Variants in DNAJC3 observed in about 807,000 individuals in gnomAD.
DNAJC3 encodes dnaJ homolog subfamily C member 3.
A neutral mutation model predicts 68.6 loss-of-function variants in DNAJC3; 38 were observed. The observed-to-expected ratio is 0.55, with a 90% CI of 0.43 to 0.73. DNAJC3 has a LOEUF of 0.73. Among genes scored for constraint, DNAJC3 ranks in the 30% least tolerant of loss-of-function variants. DNAJC3 has a pLI of 0.00. For missense variants in DNAJC3, 526 were observed against 591.9 expected (o/e 0.89, Z 1.16); for synonymous variants, 203 against 204.0 (o/e 1.00, Z 0.04).
chr13:95,704,357 G>A (rs1421195273), intron 1 of DNAJC3, among the ~76,000 whole-genome samples: 1 of 152,152 alleles, frequency 6.6e-6, no homozygotes, highest in African/African-American at 2.4e-5. Flanking sequence ...ATCATATAAT[G>A]GTCTGTGATT....
At chr13:95,785,853 C>T (rs1032750382) in intron 9 of DNAJC3, 86 bp from the exon 10 acceptor site, 17 of 1,300,002 alleles carry the variant, frequency 1.3e-5, no homozygotes, top group Admixed American at 3.0e-5. Flanking sequence ...TGGGGGATGA[C>T]GACTTTAGCA....
At chr13:95,736,273 T>A (rs1881914267) in intron 4 of DNAJC3, among the ~76,000 whole-genome samples, 1 of 152,164 alleles carries the variant, frequency 6.6e-6, no homozygotes, top group South Asian at 2.1e-4. Flanking sequence ...CCAGCTTTGT[T>A]CTTTTGGCTT....
chr13:95,713,850 A>G (rs1881053427), intron 2 of DNAJC3, among the ~76,000 whole-genome samples: 1 of 152,198 alleles, frequency 6.6e-6, no homozygotes, highest in Non-Finnish European at 1.5e-5. Context: ...TAGAGTTTTC[A>G]GGGATGAGTC....
intron 4 of DNAJC3, among the ~76,000 whole-genome samples, chr13:95,736,444 C>T (rs1361163058): frequency 6.8e-6 from 1 of 147,948 alleles, no homozygotes; most frequent in East Asian, 2.0e-4. Flanking sequence ...TTGATTCTTC[C>T]TACCCATGAG....
At chr13:95,690,130 C>T (rs1050440720) in intron 1 of DNAJC3, among the ~76,000 whole-genome samples, 24 of 151,922 alleles carry the variant, frequency 1.6e-4, no homozygotes, top group Non-Finnish European at 2.5e-4. Context: ...GAGGACCCTG[C>T]GGCCTTCCAC....
Position 95,763,886 on chromosome 13 carries a change from AC to A in DNAJC3, c.1010del (p.Pro337LeufsTer4). ...TTTGTTCTGAAGTTTTACAGATGGA[AC>A]CTGACAATGTGAATGCCCTGAAAGA... ...RVCSEVLQMEPDNVNALKDRA... is the reference protein window; with the variant it reads ...RVCSEVLQMEXDNVNALKDRA... On this transcript the variant is annotated frameshift_variant, in exon 9 of 12. Transcript: ENST00000602402. LOFTEE classifies it high-confidence loss of function. The A allele has an allele frequency of 1.9e-6, 3 of 1,614,102 alleles. No individual in the cohort carries two copies. The highest frequency in any genetic ancestry group is 2.5e-6 in the Non-Finnish European group (3 of 1,179,964).
chr13:95,714,543 T>G (rs1020705500), intron 2 of DNAJC3, among the ~76,000 whole-genome samples: 1 of 152,240 alleles, frequency 6.6e-6, no homozygotes, highest in Non-Finnish European at 1.5e-5. Flanking sequence ...CTATGTGACA[T>G]TTCTGTTGGG....
At chr13:95,751,927 T>A (rs1322796583) in intron 4 of DNAJC3, among the ~76,000 whole-genome samples, 1 of 152,160 alleles carries the variant, frequency 6.6e-6, no homozygotes, top group African/African-American at 2.4e-5. Flanking sequence ...ATCATGAAAC[T>A]TATTTACTAT....
chr13:95,747,199 CAAAG>C, intron 4 of DNAJC3, among the ~76,000 whole-genome samples: 1 of 152,258 alleles, frequency 6.6e-6, no homozygotes, highest in Middle Eastern at 3.4e-3. Flanking sequence ...ATGTTCTTTG[CAAAG>C]AAGCTAGTCT....
chr13:95,747,555 A>G (rs947638751), intron 4 of DNAJC3, among the ~76,000 whole-genome samples: 1 of 152,208 alleles, frequency 6.6e-6, no homozygotes, highest in Non-Finnish European at 1.5e-5. Context: ...TCGTGATTAT[A>G]AGGAGGACAT....
chr13:95,779,924 TA>T lies in DNAJC3; in HGVS notation c.1076-6006del, dbSNP rs200059421. Among the ~76,000 whole-genome samples, 6 of 151,764 alleles carry T rather than the reference TA, an allele frequency of 4.0e-5. No homozygotes were observed. In the South Asian group the frequency reaches 6.2e-4, roughly 16 times the overall value. On this transcript the variant is annotated intron_variant, in intron 9 of 11. Transcript: ENST00000602402. ...ATCTTTGAAGTGATATTGTGCCAGTTAAAAAAAAATTATTACTCATCATAAA... is the reference window on the plus strand; with the variant it reads ...ATCTTTGAAGTGATATTGTGCCAGTTAAAAAAAATTATTACTCATCATAAA...
chr13:95,763,320 A>G (rs900494552), intron 7 of DNAJC3, among the ~76,000 whole-genome samples: 5 of 152,232 alleles, frequency 3.3e-5, no homozygotes, highest in African/African-American at 1.2e-4. Flanking sequence ...TCAGACTTCA[A>G]CAGGGTGTTT....
At chr13:95,682,442 T>G (rs895465476) in intron 1 of DNAJC3, among the ~76,000 whole-genome samples, 1 of 152,094 alleles carries the variant, frequency 6.6e-6, no homozygotes, top group African/African-American at 2.4e-5. Context: ...CCAGTCTTGA[T>G]TGTAACTCAC....
chr13:95,681,740 A>G (rs557654661), intron 1 of DNAJC3, among the ~76,000 whole-genome samples: 17 of 152,218 alleles, frequency 1.1e-4, no homozygotes, highest in South Asian at 6.2e-4. Flanking sequence ...TACTATGTCT[A>G]TTCTTGAAAA....
chr13:95,687,007 C>T (rs527877825), intron 1 of DNAJC3, among the ~76,000 whole-genome samples: 4 of 152,176 alleles, frequency 2.6e-5, no homozygotes, highest in African/African-American at 9.6e-5. Flanking sequence ...AATCCATGAG[C>T]CTGGGATGTT....
chr13:95,697,483 A>C (rs928586739), intron 1 of DNAJC3, among the ~76,000 whole-genome samples: 47 of 152,280 alleles, frequency 3.1e-4, no homozygotes, highest in African/African-American at 1.0e-3. Flanking sequence ...TGATGACTAC[A>C]TTCCTTGGTT....
intron 11 of DNAJC3, among the ~76,000 whole-genome samples, chr13:95,789,163 TTTTTTTTG>T (rs1427865125): frequency 6.6e-6 from 1 of 152,234 alleles, no homozygotes; most frequent in Non-Finnish European, 1.5e-5. Flanking sequence ...TCTTTTTATT[TTTTTTTTG>T]TAAGTTCAGG....
intron 4 of DNAJC3, among the ~76,000 whole-genome samples, chr13:95,743,178 A>G (rs551944461): frequency 1.1e-4 from 16 of 152,196 alleles, no homozygotes; most frequent in African/African-American, 3.1e-4. Flanking sequence ...GTTGATTACT[A>G]TAGATAGTAT....
intron 9 of DNAJC3, among the ~76,000 whole-genome samples, chr13:95,779,707 G>C (rs1417725716): frequency 6.6e-6 from 1 of 152,046 alleles, no homozygotes; most frequent in East Asian, 1.9e-4. Flanking sequence ...CCTGAGTTCT[G>C]ATTCTGCCTT....
Sources: gnomAD v4.1 joint callset for allele counts (sites outside exome capture counted in the v4.1 genomes callset) on GRCh38, gnomAD v4.1.1 for gene constraint, MANE v1.5 for transcripts, NCBI Gene and HGNC (gene_info 2026-07-23, HGNC 2026-07-21) for gene names.